The following ARID4B variants were observed in gnomAD, a reference collection of about 807,000 sequenced individuals.
ARID4B encodes AT-rich interactive domain-containing protein 4B.
ARID4B carries 26 observed loss-of-function variants against 147.5 expected under a neutral mutation model. The ratio of observed to expected loss-of-function variants is 0.18; its 90% CI spans 0.13 to 0.24. The LOEUF (loss-of-function observed/expected upper bound fraction) is 0.24, where lower values mean the gene tolerates loss of function less well. ARID4B is among the 10% of genes least tolerant of loss of function. ARID4B has a pLI of 1.00. For synonymous variants in ARID4B, 512 were observed against 507.9 expected (o/e 1.01, Z -0.11); for missense variants, 1,179 against 1,511.5 (o/e 0.78, Z 3.65).
At chr1:235,313,364 ATAAG>A (rs1306684122) in intron 2 of ARID4B, among the ~76,000 whole-genome samples, 1 of 151,958 alleles carries the variant, frequency 6.6e-6, no homozygotes, top group Non-Finnish European at 1.5e-5. Context: ...TGAAATAGAC[ATAAG>A]CCAAGCTGCT....
intron 2 of ARID4B, among the ~76,000 whole-genome samples, chr1:235,312,713 C>T (rs1235512575): frequency 6.6e-6 from 1 of 152,166 alleles, no homozygotes; most frequent in East Asian, 1.9e-4. Context: ...GTGGCTCCCA[C>T]CTGTAATCCT....
intron 6 of ARID4B, among the ~76,000 whole-genome samples, chr1:235,246,895 C>T (rs1467521227): frequency 6.6e-6 from 1 of 152,018 alleles, no homozygotes; most frequent in African/African-American, 2.4e-5. Context: ...TTAATTTGTA[C>T]ATGGGGAATC....
chr1:235,223,605 T>A (rs1391257308), intron 12 of ARID4B, among the ~76,000 whole-genome samples: 3 of 150,604 alleles, frequency 2.0e-5, no homozygotes, highest in African/African-American at 7.3e-5. Flanking sequence ...TGCTTCCCAA[T>A]AAGAGTTACT....
intron 2 of ARID4B, among the ~76,000 whole-genome samples, chr1:235,300,626 TTTAA>T (rs1237219838): frequency 6.6e-6 from 1 of 152,146 alleles, no homozygotes; most frequent in African/African-American, 2.4e-5. Context: ...CTTCATCATT[TTTAA>T]TTATTATTAT....
At chr1:235,205,021 C>G (rs1287607696) in intron 17 of ARID4B, among the ~76,000 whole-genome samples, 3 of 152,184 alleles carry the variant, frequency 2.0e-5, no homozygotes, top group Non-Finnish European at 4.4e-5. Context: ...ATGGAAACCA[C>G]TGTCAAATGG....
rs998385286 is a variant in ARID4B, at chr1:235,214,100, T to C, written c.1584-74A>G. On this transcript the variant is annotated intron_variant, in intron 16 of 23. Coordinates refer to ENST00000264183, the MANE Select transcript of ARID4B (RefSeq NM_016374.6). Reference sequence around the variant, plus strand: ...TTTTTCAGTTCCAAACCACATATATTGATAAAAGTTGTGGCTGTGATTGTT... The same window carrying C: ...TTTTTCAGTTCCAAACCACATATATCGATAAAAGTTGTGGCTGTGATTGTT... 6.7e-6 allele frequency: 10 copies of C among 1,494,124 alleles called. No homozygotes were observed. In the Admixed American group the frequency reaches 1.3e-4, roughly 20 times the overall value. The allele number at this position is 1,494,124 out of a possible 1,614,324, so 92.6% of individuals were successfully genotyped here.
chr1:235,259,663 C>A (rs1670181551), intron 3 of ARID4B, among the ~76,000 whole-genome samples: 1 of 152,180 alleles, frequency 6.6e-6, no homozygotes, highest in Non-Finnish European at 1.5e-5. Flanking sequence ...CAAGACTAGC[C>A]CCCTACCAGT....
chr1:235,267,322 C>T (rs1162960313), intron 2 of ARID4B, among the ~76,000 whole-genome samples: 1 of 152,128 alleles, frequency 6.6e-6, no homozygotes, highest in Non-Finnish European at 1.5e-5. Context: ...AATAAATGTA[C>T]TTAAACACAA....
Position 235,304,960 on chromosome 1 carries a change from C to T in ARID4B, c.6+21954G>A, listed in dbSNP as rs537928781. ...AACTCTGGTAGGCAGAATGCACTCC[C>T]CCTCCCCACAAAATGACCACATCCG... On this transcript the variant is annotated intron_variant, in intron 2 of 23. Coordinates refer to ENST00000264183, the MANE Select transcript of ARID4B (RefSeq NM_016374.6). Among the ~76,000 whole-genome samples the T allele has an allele frequency of 3.3e-5, 5 of 152,176 alleles. No homozygotes were observed. In the East Asian group the frequency reaches 9.6e-4, roughly 29 times the overall value.
chr1:235,289,054 A>G (rs566065475), intron 2 of ARID4B, among the ~76,000 whole-genome samples: 7 of 152,256 alleles, frequency 4.6e-5, no homozygotes, highest in Non-Finnish European at 8.8e-5. Flanking sequence ...GGCCCCAGGA[A>G]TAAATGGCCA....
rs375948395 is a variant in ARID4B at position 235,255,629 on chromosome 1, C to G, written c.274+31G>C. The G allele has an allele frequency of 1.1e-5, 16 of 1,434,962 alleles. No individual in the cohort carries two copies. In the African/African-American group the frequency reaches 1.7e-4, roughly 16 times the overall value. 88.9% of individuals were successfully genotyped at this position (1,434,962 alleles called of 1,614,324 possible). ...TAAGTTTTCTTTGTGTAACTAAAAA[C>G]ACATTTTTAAAAGAAAATTTATTTT... On this transcript the variant is annotated intron_variant, in intron 5 of 23. Transcript: ENST00000264183.
intron 2 of ARID4B, among the ~76,000 whole-genome samples, chr1:235,309,275 CCGG>C (rs1673834571): frequency 5.6e-5 from 7 of 126,046 alleles, no homozygotes; most frequent in South Asian, 5.5e-4. Flanking sequence ...GCCCCTCCGC[CCGG>C]CAGCCGCCCC....
chr1:235,302,934 T>A (rs1036007958), intron 2 of ARID4B, among the ~76,000 whole-genome samples: 2 of 115,504 alleles, frequency 1.7e-5, no homozygotes, highest in East Asian at 4.2e-4. Flanking sequence ...CTTCTTTTTT[T>A]CTTTTTTTTG....
chr1:235,248,490 G>A (rs983159740), intron 6 of ARID4B, among the ~76,000 whole-genome samples: 10 of 152,070 alleles, frequency 6.6e-5, no homozygotes, highest in Non-Finnish European at 1.0e-4. Flanking sequence ...AAATTAATCC[G>A]GATTCACTTT....
At chr1:235,192,855 C>T (rs1316582214) in intron 19 of ARID4B, among the ~76,000 whole-genome samples, 1 of 152,032 alleles carries the variant, frequency 6.6e-6, no homozygotes, top group African/African-American at 2.4e-5. Context: ...CCTGTAATCC[C>T]AGCACTTTGG....
intron 11 of ARID4B, among the ~76,000 whole-genome samples, chr1:235,224,979 A>G (rs1033217524): frequency 6.6e-6 from 1 of 152,222 alleles, no homozygotes; most frequent in Non-Finnish European, 1.5e-5. Flanking sequence ...TATGCCTTAA[A>G]AAGTATCCCA....
chr1:235,207,209 G>A (rs1318981902), intron 17 of ARID4B, among the ~76,000 whole-genome samples: 1 of 152,238 alleles, frequency 6.6e-6, no homozygotes, highest in African/African-American at 2.4e-5. Context: ...TGAGGATAGG[G>A]AAGAGATGTT....
intron 17 of ARID4B, among the ~76,000 whole-genome samples, chr1:235,213,134 C>A (rs1427830479): frequency 6.6e-6 from 1 of 152,084 alleles, no homozygotes; most frequent in Non-Finnish European, 1.5e-5. Context: ...ATGCTTAAGT[C>A]ATTGAACATG....
At chr1:235,323,642 G>A (rs376949442) in intron 2 of ARID4B, among the ~76,000 whole-genome samples, 2 of 151,756 alleles carry the variant, frequency 1.3e-5, no homozygotes, top group East Asian at 2.0e-4. Context: ...AAATTAGCCC[G>A]GCATGATGGT....
Sources: gnomAD v4.1 joint callset for allele counts (sites outside exome capture counted in the v4.1 genomes callset) on GRCh38, gnomAD v4.1.1 for gene constraint, MANE v1.5 for transcripts, NCBI Gene and HGNC (gene_info 2026-07-23, HGNC 2026-07-21) for gene names.